Variants in NAV1 observed in about 807,000 individuals in gnomAD.
NAV1 encodes neuron navigator 1.
In NAV1, 18 loss-of-function variants were observed where a neutral mutation model predicts 175.2. The ratio of observed to expected loss-of-function variants is 0.10; its 90% confidence interval spans 0.07 to 0.15. The LOEUF (loss-of-function observed/expected upper bound fraction) is 0.15. Among genes scored for constraint, NAV1 ranks in the 10% least tolerant of loss-of-function variants. The pLI is 1.00. For synonymous variants in NAV1, 897 were observed against 978.7 expected, an observed-to-expected ratio of 0.92 and a Z score of 1.56; for missense variants, 1,731 against 2,436.6, an observed-to-expected ratio of 0.71 and a Z score of 6.10.
At position 201,739,974 on chromosome 1, in the gene NAV1, T is replaced by TG. The variant is rs570883486; in HGVS notation, c.1226+21225dup. On this transcript the variant is annotated intron_variant, in intron 3 of 29. Coordinates refer to ENST00000367296, the Ensembl canonical transcript of NAV1. ...CCCGGGTGTCAGGCGAGAGCGGTCCTGGGGGGCGCTGGGTGCCCACCCGGT... is the reference window on the plus strand; with the variant it reads ...CCCGGGTGTCAGGCGAGAGCGGTCCTGGGGGGGCGCTGGGTGCCCACCCGGT... 2.8e-6 allele frequency: 4 copies of TG among 1,440,660 alleles called. No individual in the cohort carries two copies. The Admixed American group carries it at 8.6e-5, about 31-fold the overall frequency. 89.2% of individuals were successfully genotyped at this position (1,440,660 alleles called of 1,614,324 possible).
chr1:201,805,912 C>T (rs1175439785), intron 17 of NAV1, among the ~76,000 whole-genome samples: 2 of 151,748 alleles, frequency 1.3e-5, no homozygotes, highest in African/African-American at 4.8e-5. Context: ...TAGAGTGAGA[C>T]CCTGTCTCCA....
rs866910869 is a variant in NAV1 at position 201,750,935 on chromosome 1, T to C, written c.1227-29486T>C. 1.3e-5 allele frequency among the ~76,000 whole-genome samples: 2 copies of C among 152,194 alleles called. No homozygotes were observed. The highest frequency in any genetic ancestry group is 2.9e-5 in the Non-Finnish European group (2 of 68,022). ...GTCTATTGCCTGAAGGCATCTCCTC[T>C]AGAAACAAAACCAGTTTGATTTTGA... On this transcript the variant is annotated intron_variant, in intron 3 of 29. Coordinates refer to ENST00000367296, the Ensembl canonical transcript of NAV1. This position sits in a 1 kb window ranked among gnomAD's most constrained non-coding sequence, Gnocchi z 4.1.
intron 3 of NAV1, among the ~76,000 whole-genome samples, chr1:201,720,490 A>G (rs924362509): frequency 6.6e-6 from 1 of 152,134 alleles, no homozygotes; most frequent in Non-Finnish European, 1.5e-5. Context: ...CCTTCACCCC[A>G]CCAACCCACC....
intron 1 of NAV1, among the ~76,000 whole-genome samples, chr1:201,577,334 G>A: frequency 6.6e-6 from 1 of 152,092 alleles, no homozygotes; most frequent in East Asian, 1.9e-4. Context: ...TTTATGGATT[G>A]TGCTTTTGTT....
chr1:201,696,496 C>T (rs1671196332), intron 1 of NAV1, among the ~76,000 whole-genome samples: 1 of 152,176 alleles, frequency 6.6e-6, no homozygotes, highest in Admixed American at 6.5e-5. Flanking sequence ...CAGTGACTGC[C>T]AGTGAGGCCT....
chr1:201,690,820 G>C (rs556071740), intron 1 of NAV1, among the ~76,000 whole-genome samples: 8 of 152,296 alleles, frequency 5.3e-5, no homozygotes, highest in African/African-American at 1.9e-4. Context: ...TGGGCTCCAG[G>C]TCAGCAGGTC....
At position 201,561,763 on chromosome 1, in the gene NAV1, C is replaced by G. The variant is rs570050357; in HGVS notation, c.-144+22421C>G. 1.7e-4 allele frequency among the ~76,000 whole-genome samples: 26 copies of G among 152,290 alleles called. 1 individual carries two copies. The highest frequency in any genetic ancestry group is 6.8e-3 in the Middle Eastern group (2 of 294). ...GCTGTGTTTGGCTGTGTTCCCTACT[C>G]AGCCTGGGGCCTCCATGAGATTAGG... On this transcript the variant is annotated intron_variant, in intron 1 of 33. Transcript: ENST00000685211.
rs918476815 is a variant in NAV1, at chr1:201,691,285, T to C, written c.758-21532T>C. Among the ~76,000 whole-genome samples the C allele has an allele frequency of 2.0e-5, 3 of 152,144 alleles. No individual in the cohort carries two copies. The South Asian group carries it at 6.2e-4, about 32-fold the overall frequency. On this transcript the variant is annotated intron_variant, in intron 1 of 29. Coordinates refer to ENST00000367296, the Ensembl canonical transcript of NAV1. Reference sequence around the variant, plus strand: ...GCAACATCTCTGTTGAGAACCACTATAATAGAGGCACCGTAGTATGCTGAG... The same window carrying C: ...GCAACATCTCTGTTGAGAACCACTACAATAGAGGCACCGTAGTATGCTGAG...
intron 2 of NAV1, among the ~76,000 whole-genome samples, chr1:201,715,659 C>T (rs1013521950): frequency 6.6e-5 from 10 of 152,336 alleles, no homozygotes; most frequent in South Asian, 6.2e-4. Context: ...CCAGGCACAG[C>T]GCTGGGCACT....
intron 3 of NAV1, among the ~76,000 whole-genome samples, chr1:201,757,491 C>T (rs148198529): frequency 2.0e-5 from 3 of 152,244 alleles, no homozygotes; most frequent in African/African-American, 4.8e-5. Flanking sequence ...TGGCCTCGAG[C>T]GATTCTTCTG....
chr1:201,766,863 G>A (rs1003974933), intron 3 of NAV1, among the ~76,000 whole-genome samples: 10 of 151,812 alleles, frequency 6.6e-5, no homozygotes, highest in African/African-American at 1.7e-4. Flanking sequence ...TTGCTATGTC[G>A]CCAGGCTGCA....
At chr1:201,773,032 C>CAAA (rs5780087) in intron 3 of NAV1, among the ~76,000 whole-genome samples, 10 of 97,708 alleles carry the variant, frequency 1.0e-4, no homozygotes, top group East Asian at 2.8e-4. Context: ...GATTCCATCT[C>CAAA]AAAAAAAAAA....
intron 2 of NAV1, among the ~76,000 whole-genome samples, chr1:201,590,610 G>A (rs758351123): frequency 5.3e-5 from 8 of 152,180 alleles, no homozygotes; most frequent in Non-Finnish European, 1.2e-4. Context: ...TGCATGCTGC[G>A]AGGTGCCCAG....
intron 1 of NAV1, among the ~76,000 whole-genome samples, chr1:201,706,761 T>C (rs985397829): frequency 1.3e-5 from 2 of 152,176 alleles, no homozygotes; most frequent in African/African-American, 4.8e-5. Context: ...AAACCACTAA[T>C]GTGGGATTTG....
intron 1 of NAV1, among the ~76,000 whole-genome samples, chr1:201,572,716 G>A (rs537680806): frequency 4.6e-5 from 7 of 152,226 alleles, no homozygotes; most frequent in Admixed American, 3.9e-4. Context: ...AATGGGGATA[G>A]GAATGACTGT....
At chr1:201,786,362 C>T (rs760043304) in intron 8 of NAV1, 67 bp from the exon 13 acceptor site, 5 of 1,512,202 alleles carry the variant, frequency 3.3e-6, no homozygotes, top group Non-Finnish European at 4.5e-6. Context: ...CAGACACCCT[C>T]CGCACCAACT....
chr1:201,613,971 C>T (rs1667926045), intron 2 of NAV1, among the ~76,000 whole-genome samples: 2 of 151,266 alleles, frequency 1.3e-5, no homozygotes, highest in African/African-American at 4.9e-5. Flanking sequence ...AAGTAATTTG[C>T]TCAGGACCAC....
exon 30 of NAV1, chr1:201,822,296 G>T (rs1298105837): frequency 6.5e-6 from 1 of 152,742 alleles, no homozygotes; most frequent in Non-Finnish European, 1.5e-5. Context: ...AACTTAGAAG[G>T]AAGAGAAGAC....
At position 201,808,485 on chromosome 1, in the gene NAV1, A is replaced by G; in HGVS notation, c.3913A>G (p.Lys1305Glu). The G allele has an allele frequency of 6.2e-7, 1 of 1,614,264 alleles. No homozygotes were observed. Among genetic ancestry groups the G allele is most frequent in the Non-Finnish European group, 8.5e-7 (1 of 1,180,050 alleles). ...AAATGAGGAGGAGGAGCCAGAGAAGAAGGAGGTATCGGAGCTGCGCTCTGA... is the reference window on the plus strand; with the variant it reads ...AAATGAGGAGGAGGAGCCAGAGAAGGAGGAGGTATCGGAGCTGCGCTCTGA... The change falls in exon 19 of 30, where the codon AAG becomes GAG. Residue 1305 changes from lysine (K) to glutamate (E), a missense_variant. Coordinates refer to ENST00000367296, the Ensembl canonical transcript of NAV1. The surrounding 1 kb of genome is among the most constrained non-coding windows in gnomAD (Gnocchi z 5.5).
Sources: allele counts gnomAD v4.1 joint callset (sites outside exome capture counted in the v4.1 genomes callset), GRCh38; gene constraint gnomAD v4.1.1; non-coding constraint Gnocchi (gnomAD v3.1); transcripts MANE v1.5; gene names NCBI Gene and HGNC (gene_info 2026-07-23, HGNC 2026-07-21).